Variants in FHIP1A observed in about 807,000 individuals in gnomAD.
FHIP1A encodes the protein FHF complex subunit HOOK interacting protein 1A.
Under a neutral mutation model 88.6 loss-of-function variants are expected in FHIP1A, and 61 were observed. That is an observed-to-expected ratio of 0.69 (90% CI 0.56 to 0.85). The LOEUF is 0.85. Ranked by LOEUF, FHIP1A falls within the 40% of genes least tolerant of loss-of-function variation. The pLI is 0.00. For synonymous variants in FHIP1A, 478 were observed against 496.0 expected, an observed-to-expected ratio of 0.96 and a Z score of 0.48; for missense variants, 1,154 against 1,273.5, an observed-to-expected ratio of 0.91 and a Z score of 1.43.
intron 3 of FHIP1A, among the ~76,000 whole-genome samples, chr4:151,517,346 A>G (rs1731280665): frequency 6.6e-6 from 1 of 152,110 alleles, no homozygotes; most frequent in Non-Finnish European, 1.5e-5. Flanking sequence ...GATATACCTA[A>G]TGCTAAATGA....
chr4:151,417,859 G>A (rs2126514068), intron 1 of FHIP1A, among the ~76,000 whole-genome samples: 1 of 152,228 alleles, frequency 6.6e-6, no homozygotes, highest in Non-Finnish European at 1.5e-5. Flanking sequence ...TAAGCAAGAT[G>A]TTGTAGTTTA....
chr4:151,450,863 T>G (rs1728766936), intron 1 of FHIP1A, among the ~76,000 whole-genome samples: 2 of 152,038 alleles, frequency 1.3e-5, no homozygotes. Context: ...CTGCAACTTC[T>G]GACTCCCGGG....
intron 3 of FHIP1A, among the ~76,000 whole-genome samples, chr4:151,496,823 A>C (rs1730481288): frequency 6.7e-6 from 1 of 149,544 alleles, no homozygotes; most frequent in South Asian, 2.1e-4. Flanking sequence ...TGTCCTCCCA[A>C]AGTGCTGGGA....
At chr4:151,641,556 A>C (rs961256603) in intron 9 of FHIP1A, among the ~76,000 whole-genome samples, 1 of 152,064 alleles carries the variant, frequency 6.6e-6, no homozygotes, top group African/African-American at 2.4e-5. Context: ...TTTTTCTTTT[A>C]GCTATCATTA....
chr4:151,591,663 C>T (rs1039923063), intron 7 of FHIP1A, among the ~76,000 whole-genome samples: 1 of 152,084 alleles, frequency 6.6e-6, no homozygotes, highest in Non-Finnish European at 1.5e-5. Context: ...TCCATGTGTT[C>T]TCGTTCAACT....
Position 151,515,323 on chromosome 4 carries a change from T to C in FHIP1A, c.-123+32675T>C, listed in dbSNP as rs542657998. ...ATATCTCAAAATAATAAGAGCTATC[T>C]ATGACAAACCCACAGCCAATATCAT... On this transcript the variant is annotated intron_variant, in intron 3 of 13. Coordinates refer to ENST00000435205, the MANE Select transcript of FHIP1A (RefSeq NM_001109977.3). 7.9e-5 allele frequency among the ~76,000 whole-genome samples: 12 copies of C among 151,502 alleles called. No homozygotes were observed. In the East Asian group the frequency reaches 2.1e-3, roughly 27 times the overall value.
rs914398166 is a variant in FHIP1A, at chr4:151,662,898, A to G, written c.*144A>G. On this transcript the variant is annotated 3_prime_UTR_variant, in exon 14 of 14. Coordinates refer to ENST00000435205, the MANE Select transcript of FHIP1A (RefSeq NM_001109977.3). ...ATTTGTGGGGAGGGGAATTTTCTGTATCTTTCCTCTCTCTCTCTAGCCGGG... is the reference window on the plus strand; with the variant it reads ...ATTTGTGGGGAGGGGAATTTTCTGTGTCTTTCCTCTCTCTCTCTAGCCGGG... The G allele has an allele frequency of 1.3e-6, 1 of 773,352 alleles. No homozygotes were observed. Among genetic ancestry groups the G allele is most frequent in the South Asian group, 2.4e-5 (1 of 41,444 alleles). The allele number at this position is 773,352 out of a possible 1,614,324, so 47.9% of individuals were successfully genotyped here.
At position 151,650,416 on chromosome 4, in the gene FHIP1A, G is replaced by A. The variant is rs1395449702; in HGVS notation, c.2375G>A (p.Ser792Asn). 1.9e-6 allele frequency: 3 copies of A among 1,551,692 alleles called. No homozygotes were observed. Among genetic ancestry groups the A allele is most frequent in the South Asian group, 2.4e-5 (2 of 84,058 alleles). ...LTKEEEGKEE[S>N]KGEKEKEGKK... ...AAGGAGGAAGAAGGGAAGGAAGAGA[G>A]TAAAGGAGAAAAGGAGAAGGAGGGG... is the stretch of plus-strand genomic sequence containing the variant. Residue 792 changes from serine to asparagine, a missense_variant, in exon 11 of 14, where the codon AGT (serine) becomes AAT (asparagine). Physicochemically the swap from Ser to Asn is conservative, Grantham distance 46. Coordinates refer to ENST00000435205, the MANE Select transcript of FHIP1A (RefSeq NM_001109977.3).
intron 1 of FHIP1A, among the ~76,000 whole-genome samples, chr4:151,434,179 C>T (rs1335670717): frequency 6.6e-6 from 1 of 152,116 alleles, no homozygotes; most frequent in Non-Finnish European, 1.5e-5. Context: ...ATTCCATTTT[C>T]TTTTATCCTG....
At position 151,664,638 on chromosome 4, in the gene FHIP1A, T is replaced by C. The variant is rs954504304; in HGVS notation, c.*1884T>C. 6.6e-6 allele frequency among the ~76,000 whole-genome samples: 1 copy of C among 152,206 alleles called. No homozygotes were observed. The highest frequency in any genetic ancestry group is 1.5e-5 in the Non-Finnish European group (1 of 68,044). ...ATTTGCACAGCCCACAACTCTCCATTAGAAAAGAAGGTAGCTTAAGATAGA... is the reference window on the plus strand; with the variant it reads ...ATTTGCACAGCCCACAACTCTCCATCAGAAAAGAAGGTAGCTTAAGATAGA... On this transcript the variant is annotated 3_prime_UTR_variant, in exon 14 of 14. Transcript: ENST00000435205.
rs1184984073 is a variant in FHIP1A at position 151,656,103 on chromosome 4, T to C, written c.2552-129T>C. On this transcript the variant is annotated intron_variant, in intron 11 of 13. Transcript: ENST00000435205. The surrounding 1 kb of genome is among the most constrained non-coding windows in gnomAD (Gnocchi z 4.2). The stretch of plus-strand genomic sequence containing the variant: ...AGGCAGGAGAAAACGTGGCCATATT[T>C]GCTGTGTCTGGCTTGCACCTGTGGG... The C allele has an allele frequency of 4.6e-6, 3 of 646,578 alleles. No individual in the cohort carries two copies. Among genetic ancestry groups the C allele is most frequent in the Non-Finnish European group, 7.6e-6 (3 of 393,708 alleles). 40.1% of individuals were successfully genotyped at this position (646,578 alleles called of 1,614,324 possible).
chr4:151,472,622 G>GTTTTTT (rs5862961), intron 2 of FHIP1A, among the ~76,000 whole-genome samples: 1 of 131,484 alleles, frequency 7.6e-6, no homozygotes, highest in African/African-American at 2.8e-5. Context: ...TTGCCTTGCT[G>GTTTTTT]TTTTTTTTTT....
chr4:151,592,608 G>C (rs976622171), intron 7 of FHIP1A, among the ~76,000 whole-genome samples: 2 of 151,900 alleles, frequency 1.3e-5, no homozygotes, highest in African/African-American at 2.4e-5. Flanking sequence ...CCCACTTTTT[G>C]GTGGGGTTTT....
intron 3 of FHIP1A, among the ~76,000 whole-genome samples, chr4:151,527,493 C>T (rs1021880244): frequency 2.0e-5 from 3 of 152,034 alleles, no homozygotes; most frequent in Admixed American, 6.5e-5. Flanking sequence ...AGCTTCGGCT[C>T]GGCATCAGAG....
At chr4:151,432,343 A>C (rs1733623450) in intron 1 of FHIP1A, among the ~76,000 whole-genome samples, 1 of 152,222 alleles carries the variant, frequency 6.6e-6, no homozygotes, top group Admixed American at 6.5e-5. Flanking sequence ...ACTAGGAATC[A>C]TTCATCTAGT....
chr4:151,476,886 T>G (rs1226138321), intron 2 of FHIP1A, among the ~76,000 whole-genome samples: 1 of 152,086 alleles, frequency 6.6e-6, no homozygotes, highest in Non-Finnish European at 1.5e-5. Context: ...AAAAAGGCCA[T>G]TAGCATAAAA....
chr4:151,468,673 G>A (rs1416732792), intron 2 of FHIP1A, among the ~76,000 whole-genome samples: 2 of 152,284 alleles, frequency 1.3e-5, no homozygotes, highest in Non-Finnish European at 2.9e-5. Context: ...TGTACACTAA[G>A]TTTTAGATGT....
At chr4:151,455,117 T>C (rs954573101) in intron 2 of FHIP1A, among the ~76,000 whole-genome samples, 2 of 152,218 alleles carry the variant, frequency 1.3e-5, no homozygotes, top group South Asian at 2.1e-4. Context: ...AAGTTCACAA[T>C]GTTAAGGACC....
At chr4:151,608,618 G>A (rs1008651891) in intron 7 of FHIP1A, among the ~76,000 whole-genome samples, 3 of 152,080 alleles carry the variant, frequency 2.0e-5, no homozygotes, top group Non-Finnish European at 2.9e-5. Context: ...CCCTTGTGCC[G>A]GCACTTCTGC....
Sources: allele counts gnomAD v4.1 joint callset (sites outside exome capture counted in the v4.1 genomes callset), GRCh38; gene constraint gnomAD v4.1.1; non-coding constraint Gnocchi (gnomAD v3.1); transcripts MANE v1.5; gene names NCBI Gene and HGNC (gene_info 2026-07-23, HGNC 2026-07-21).